GPC5: variants seen among roughly 807,000 people sequenced by gnomAD.
GPC5 encodes the protein glypican-5.
In GPC5, 47 loss-of-function variants were observed where a neutral mutation model predicts 53.9. The observed-to-expected ratio is 0.87, with a 90% CI of 0.69 to 1.11. The LOEUF (loss-of-function observed/expected upper bound fraction) is 1.11, where lower values mean the gene tolerates loss of function less well. Ranked by LOEUF, GPC5 falls within the 50% of genes most tolerant of loss-of-function variation. GPC5 has a pLI of 0.00. For missense variants in GPC5, 748 were observed against 713.1 expected (o/e 1.05, Z -0.56); for synonymous variants, 286 against 263.3 (o/e 1.09, Z -0.84).
chr13:92,343,363 G>A (rs923300202), intron 7 of GPC5, among the ~76,000 whole-genome samples: 1 of 152,122 alleles, frequency 6.6e-6, no homozygotes, highest in Non-Finnish European at 1.5e-5. Flanking sequence ...AGCGTATAAT[G>A]CTTTCAGTTT....
intron 6 of GPC5, among the ~76,000 whole-genome samples, chr13:92,134,335 C>T (rs572792472): frequency 6.6e-6 from 1 of 152,254 alleles, no homozygotes; most frequent in South Asian, 2.1e-4. Flanking sequence ...ATACCCACAA[C>T]AGGCAAAGGC....
At chr13:91,888,948 G>A (rs537747726) in intron 5 of GPC5, among the ~76,000 whole-genome samples, 8 of 152,234 alleles carry the variant, frequency 5.3e-5, no homozygotes, top group African/African-American at 1.7e-4. Flanking sequence ...AGAAGGGAGA[G>A]AAGAATGTCA....
In GPC5 at chr13:91,777,655, A is replaced by T. The variant is rs1202104085; in HGVS notation, c.1280+21235A>T. On this transcript the variant is annotated intron_variant, in intron 5 of 7. Coordinates refer to ENST00000377067, the MANE Select transcript of GPC5 (RefSeq NM_004466.6). ...AATTTATTGTATTTTAAATTAAAAAATGTCCTTGATGTAAAGATGGAACTT... is the reference window on the plus strand; with the variant it reads ...AATTTATTGTATTTTAAATTAAAAATTGTCCTTGATGTAAAGATGGAACTT... Among the ~76,000 whole-genome samples the T allele has an allele frequency of 2.6e-5, 4 of 152,322 alleles. No individual in the cohort carries two copies. The East Asian group carries it at 7.7e-4, about 29-fold the overall frequency.
At chr13:91,607,803 A>T (rs1377150277) in intron 2 of GPC5, among the ~76,000 whole-genome samples, 1 of 152,210 alleles carries the variant, frequency 6.6e-6, no homozygotes, top group Non-Finnish European at 1.5e-5. Context: ...TTTGTATACT[A>T]AAAGCATGTA....
chr13:92,859,543 G>C (rs1879113466), intron 7 of GPC5, among the ~76,000 whole-genome samples: 1 of 151,594 alleles, frequency 6.6e-6, no homozygotes, highest in Non-Finnish European at 1.5e-5. Context: ...GTATTTTTCA[G>C]CCTTATACTT....
chr13:91,719,454 T>C (rs990221338), intron 3 of GPC5, among the ~76,000 whole-genome samples: 3 of 152,236 alleles, frequency 2.0e-5, no homozygotes, highest in South Asian at 2.1e-4. Context: ...TGATTTCTTC[T>C]GCCTTCTCAA....
intron 7 of GPC5, among the ~76,000 whole-genome samples, chr13:92,857,381 G>A (rs1879034464): frequency 6.6e-6 from 1 of 152,028 alleles, no homozygotes; most frequent in South Asian, 2.1e-4. Context: ...GAAAACATAG[G>A]AAATACCCTT....
chr13:91,517,023 A>T (rs970596459), intron 2 of GPC5, among the ~76,000 whole-genome samples: 2 of 151,650 alleles, frequency 1.3e-5, no homozygotes, highest in Non-Finnish European at 2.9e-5. Context: ...CCATGAAACC[A>T]TTTTTTCTTC....
chr13:92,780,647 A>G (rs1390891872), intron 7 of GPC5, among the ~76,000 whole-genome samples: 2 of 151,902 alleles, frequency 1.3e-5, no homozygotes, highest in African/African-American at 4.8e-5. Flanking sequence ...GATTATACCC[A>G]CTTAGAAGAT....
At chr13:91,735,985 A>G (rs1448043076) in intron 4 of GPC5, among the ~76,000 whole-genome samples, 1 of 151,454 alleles carries the variant, frequency 6.6e-6, no homozygotes, top group Non-Finnish European at 1.5e-5. Context: ...AAAAAATCTC[A>G]TTGAGATTAC....
intron 6 of GPC5, among the ~76,000 whole-genome samples, chr13:91,935,475 G>T (rs1460250614): frequency 6.6e-6 from 1 of 151,974 alleles, no homozygotes; most frequent in African/African-American, 2.4e-5. Flanking sequence ...AAGCAGAAGG[G>T]TGGCCCTTTC....
At chr13:91,496,004 C>CAG (rs1268000819) in intron 2 of GPC5, among the ~76,000 whole-genome samples, 10 of 150,344 alleles carry the variant, frequency 6.7e-5, no homozygotes. Context: ...GCCTGGGTGA[C>CAG]AGAGAGAGAC....
intron 2 of GPC5, among the ~76,000 whole-genome samples, chr13:91,519,935 A>C (rs1451315337): frequency 1.3e-5 from 2 of 152,198 alleles, no homozygotes; most frequent in Non-Finnish European, 2.9e-5. Context: ...AAAATCAGTG[A>C]AACAGAATTT....
At chr13:92,708,897 T>TTTTTTTTTTTTTTTTTTC in intron 7 of GPC5, among the ~76,000 whole-genome samples, 1 of 105,162 alleles carries the variant, frequency 9.5e-6, no homozygotes, top group African/African-American at 3.8e-5. Flanking sequence ...TTTTTTTTTT[T>TTTTTTTTTTTTTTTTTTC]TTTGAGGCAG....
intron 6 of GPC5, among the ~76,000 whole-genome samples, chr13:92,024,586 ACTCT>A (rs772221394): frequency 6.6e-6 from 1 of 151,868 alleles, no homozygotes; most frequent in Admixed American, 6.6e-5. Flanking sequence ...TACTGTCATG[ACTCT>A]CTCTCTGTTT....
At chr13:92,341,416 G>A (rs1431228011) in intron 7 of GPC5, among the ~76,000 whole-genome samples, 1 of 151,838 alleles carries the variant, frequency 6.6e-6, no homozygotes, top group African/African-American at 2.4e-5. Context: ...TTTTTAAATT[G>A]TAAGATAAAG....
intron 7 of GPC5, among the ~76,000 whole-genome samples, chr13:92,358,283 G>A (rs1000528500): frequency 6.6e-6 from 1 of 151,694 alleles, no homozygotes; most frequent in Admixed American, 6.6e-5. Context: ...GATACAAGGG[G>A]TGGGCTCCCA....
chr13:92,015,871 A>C (rs2040702209), intron 6 of GPC5, among the ~76,000 whole-genome samples: 1 of 152,248 alleles, frequency 6.6e-6, no homozygotes, highest in Non-Finnish European at 1.5e-5. Flanking sequence ...CTCACTGAAC[A>C]TCTCTTTTAT....
At chr13:91,799,060 T>C (rs1171236428) in intron 5 of GPC5, among the ~76,000 whole-genome samples, 1 of 152,160 alleles carries the variant, frequency 6.6e-6, no homozygotes, top group African/African-American at 2.4e-5. Flanking sequence ...CTATTCACAA[T>C]AGCAAAGACA....
Sources: gnomAD v4.1 joint callset for allele counts (sites outside exome capture counted in the v4.1 genomes callset) on GRCh38, gnomAD v4.1.1 for gene constraint, MANE v1.5 for transcripts, NCBI Gene and HGNC (gene_info 2026-07-23, HGNC 2026-07-21) for gene names.